Variants in COL5A3 observed in about 807,000 individuals in gnomAD.
COL5A3 encodes the protein collagen alpha-3(V) chain.
A neutral mutation model predicts 250.0 loss-of-function variants in COL5A3; 172 were observed. The ratio of observed to expected loss-of-function variants is 0.69; its 90% CI spans 0.61 to 0.78. The LOEUF (loss-of-function observed/expected upper bound fraction) is 0.78. Among genes scored for constraint, COL5A3 ranks in the 30% least tolerant of loss-of-function variants. The probability of loss-of-function intolerance (pLI) is 0.00; values close to 1 mark genes in which losing one functional copy is unlikely to be tolerated. For missense variants in COL5A3, 2,340 were observed against 2,334.4 expected (o/e 1.00, Z -0.05); for synonymous variants, 937 against 900.4 (o/e 1.04, Z -0.73).
chr19:9,979,987 C>T lies in COL5A3; in HGVS notation c.2658+7G>A. ...ACCCAACCCCCAATGAGGGTGACCT[C>T]ACTCACAGGGGGGCCCTTTGGCCCA... On this transcript the variant is annotated splice_region_variant and intron_variant, in intron 36 of 66. Coordinates refer to ENST00000264828, the MANE Select transcript of COL5A3 (RefSeq NM_015719.4). 3 of 1,586,294 alleles carry T rather than the reference C, an allele frequency of 1.9e-6. No homozygotes were observed. Among genetic ancestry groups the T allele is most frequent in the Non-Finnish European group, 8.5e-7 (1 of 1,172,390 alleles).
In COL5A3 at chr19:9,998,119, G is replaced by A. The variant is rs755927595; in HGVS notation, c.1141C>T (p.Pro381Ser). 7 of 1,613,830 alleles carry A rather than the reference G, an allele frequency of 4.3e-6. No individual in the cohort carries two copies. In the Admixed American group the frequency reaches 8.3e-5, roughly 19 times the overall value. ...GAGEKGAKGE[P>S]AVIEKGQQFE... ...CCCCTCACCTTTTCAATCACTGCGGGCTCTCCTTTTGCTCCTTTCTCTCCA... is the reference window on the plus strand; with the variant it reads ...CCCCTCACCTTTTCAATCACTGCGGACTCTCCTTTTGCTCCTTTCTCTCCA... The change falls in exon 9 of 67, where the codon CCC becomes TCC. Residue 381 changes from proline (P) to serine (S), a missense_variant. Pro to Ser is a moderately conservative substitution (Grantham distance 74). Coordinates refer to ENST00000264828, the MANE Select transcript of COL5A3 (RefSeq NM_015719.4).
chr19:9,962,710 G>A lies in COL5A3; in HGVS notation c.4851+109C>T, dbSNP rs1599523174. 22 of 793,112 alleles carry A rather than the reference G, an allele frequency of 2.8e-5. No individual in the cohort carries two copies. The East Asian group carries it at 6.2e-4, about 22-fold the overall frequency. 49.1% of individuals were successfully genotyped at this position (793,112 alleles called of 1,614,324 possible). A position where few individuals can be genotyped will look rare whatever the true frequency, so the allele number is the denominator to read the frequency against. Reference sequence around the variant, plus strand: ...CCAGCTTGCGATCCCTAGGAAGGTAGAGGAAAGCCTATCCTCTTCATCTCA... The same window carrying A: ...CCAGCTTGCGATCCCTAGGAAGGTAAAGGAAAGCCTATCCTCTTCATCTCA... On this transcript the variant is annotated intron_variant, in intron 65 of 66. Transcript: ENST00000264828.
chr19:9,970,927 G>T, intron 53 of COL5A3, 48 bp downstream of exon 53: 2 of 1,440,354 alleles, frequency 1.4e-6, no homozygotes, highest in Non-Finnish European at 1.9e-6. Flanking sequence ...TCACTCATTA[G>T]CTCCCCAACC....
chr19:9,964,885 A>AG, intron 64 of COL5A3, among the ~76,000 whole-genome samples: 1 of 106,330 alleles, frequency 9.4e-6, no homozygotes, highest in African/African-American at 3.1e-5. Flanking sequence ...AAAAAAAAAA[A>AG]AAAAAAAAAA....
rs2087231474 is a variant in COL5A3, at chr19:9,993,786, T to G, written c.1608A>C (p.Gly536=). ...VGKMGRPGAD[G]ARGLPGDTGP... Reference sequence around the variant, plus strand: ...CAGTGTCCCCTGGGAGGCCCCGAGCTCCATCTGCTCCAGGGCGGCCCTATG... The same window carrying G: ...CAGTGTCCCCTGGGAGGCCCCGAGCGCCATCTGCTCCAGGGCGGCCCTATG... Residue 536 remains glycine, a synonymous_variant, in exon 17 of 67, where the codon GGA becomes GGC. Transcript: ENST00000264828. 2 of 1,613,960 alleles carry G rather than the reference T, an allele frequency of 1.2e-6. No homozygotes were observed. Among genetic ancestry groups the G allele is most frequent in the Non-Finnish European group, 1.7e-6 (2 of 1,179,996 alleles).
intron 24 of COL5A3, among the ~76,000 whole-genome samples, chr19:9,989,863 C>T (rs991303240): frequency 1.3e-5 from 2 of 152,054 alleles, no homozygotes; most frequent in Non-Finnish European, 2.9e-5. Flanking sequence ...TTCCCAGGTT[C>T]AAGTGATTCT....
At chr19:9,991,468 G>T in intron 24 of COL5A3, 142 bp downstream of exon 24, 1 of 660,746 alleles carries the variant, frequency 1.5e-6, no homozygotes, top group African/African-American at 1.8e-5. Context: ...AGGACACTTT[G>T]TATCTCCGGG....
chr19:9,967,878 A>C (rs776318399), intron 61 of COL5A3, 26 bp downstream of exon 61: 12 of 1,609,804 alleles, frequency 7.5e-6, no homozygotes, highest in Middle Eastern at 1.7e-4. Flanking sequence ...GGGATGTGTA[A>C]GCCCACGGAA....
intron 31 of COL5A3, 69 bp from the exon 32 acceptor site, chr19:9,982,187 T>C (rs2087021447): frequency 2.8e-6 from 3 of 1,067,592 alleles, no homozygotes; most frequent in East Asian, 5.2e-5. Context: ...TGGCCCCTCA[T>C]ACCATCCTTT....
chr19:9,966,238 G>A (rs1231042266), intron 64 of COL5A3, 76 bp downstream of exon 64: 2 of 1,102,984 alleles, frequency 1.8e-6, no homozygotes, highest in Non-Finnish European at 2.7e-6. Context: ...TAACGTCCCA[G>A]ACAAGGTGGT....
At position 9,968,203 on chromosome 19, in the gene COL5A3, C is replaced by A. The variant is rs2086781184; in HGVS notation, c.4315-124G>T. The stretch of plus-strand genomic sequence containing the variant: ...ACCCTAGACAAGCCTCCAGTTCCCC[C>A]ACAGAGAGACCCCAAACCCCAGACG... On this transcript the variant is annotated intron_variant, in intron 59 of 66. Transcript: ENST00000264828. This position sits in a 1 kb window ranked among gnomAD's most constrained non-coding sequence, Gnocchi z 4.1. 2.8e-6 allele frequency: 3 copies of A among 1,079,650 alleles called. No homozygotes were observed. Among genetic ancestry groups the A allele is most frequent in the Admixed American group, 2.6e-5 (1 of 38,738 alleles). 66.9% of individuals were successfully genotyped at this position (1,079,650 alleles called of 1,614,324 possible).
chr19:9,995,044 A>G (rs1419576879), intron 16 of COL5A3, among the ~76,000 whole-genome samples: 1 of 152,032 alleles, frequency 6.6e-6, no homozygotes, highest in African/African-American at 2.4e-5. Context: ...AGTAGCTGGG[A>G]TTACAGGCGC....
chr19:9,980,813 C>T lies in COL5A3; in HGVS notation c.2552G>A (p.Gly851Asp). ...RGQPGATGQP[G>D]PKGDVGQDGA... ...TGCCCACCCATCCCATACCTTGGGG[C>T]CTGGTTGCCCTGTGGCACCCGGTTG... The change falls in exon 34 of 67, where the codon GGC becomes GAC. Residue 851 changes from glycine to aspartate, a missense_variant. This residue lies in a region of COL5A3 where 1,152 missense variants were observed against 1,146.3 expected (regional missense o/e 1.00). Transcript: ENST00000264828. 3 of 1,612,720 alleles carry T rather than the reference C, an allele frequency of 1.9e-6. No homozygotes were observed. Among genetic ancestry groups the T allele is most frequent in the Non-Finnish European group, 2.5e-6 (3 of 1,179,366 alleles).
At chr19:9,972,875 A>AGTGCCCC in intron 51 of COL5A3, 44 bp downstream of exon 51, 2 of 1,427,300 alleles carry the variant, frequency 1.4e-6, no homozygotes, top group Non-Finnish European at 1.9e-6. Flanking sequence ...AGTACATTCA[A>AGTGCCCC]GTGCCCCCTC....
chr19:9,985,096 A>C (rs183141059), intron 31 of COL5A3, among the ~76,000 whole-genome samples: 72 of 151,002 alleles, frequency 4.8e-4, no homozygotes, highest in Admixed American at 2.5e-3. Context: ...TTACAGGTGC[A>C]TGCTACTATG....
rs188428661 is a variant in COL5A3 at position 10,002,008 on chromosome 19, C to T, written c.850-127G>A. 2.2e-3 allele frequency: 1,431 copies of T among 658,982 alleles called. 17 individuals are homozygous for T. The highest frequency in any genetic ancestry group is 5.9e-4 in the Non-Finnish European group (221 of 376,686). The allele number at this position is 658,982 out of a possible 1,614,324, so 40.8% of individuals were successfully genotyped here. Reference sequence around the variant, plus strand: ...GGGACAGAGGAGGCTCCCCAAAGAGCACCAGAGGCCAATGGAGACAAAAGT... The same window carrying T: ...GGGACAGAGGAGGCTCCCCAAAGAGTACCAGAGGCCAATGGAGACAAAAGT... On this transcript the variant is annotated intron_variant, in intron 6 of 66. Coordinates refer to ENST00000264828, the MANE Select transcript of COL5A3 (RefSeq NM_015719.4).
At chr19:9,970,425 A>AGGGTGTGTGGGGTCTGGGG (rs2086823953) in intron 54 of COL5A3, among the ~76,000 whole-genome samples, 197 bp downstream of exon 54, 1 of 8,394 alleles carries the variant, frequency 1.2e-4, no homozygotes, top group Non-Finnish European at 2.0e-4. Flanking sequence ...GGGGGCTGTA[A>AGGGTGTGTGGGGTCTGGGG]GGTGAGTGGG....
Position 10,009,163 on chromosome 19 carries a change from TGTGTGTG to T in COL5A3, c.88+1128_88+1134del, listed in dbSNP as rs1169782062. On this transcript the variant is annotated intron_variant, in intron 1 of 66. Transcript: ENST00000264828. This position sits in a 1 kb window ranked among gnomAD's most constrained non-coding sequence, Gnocchi z 4.4. ...CTCCAAAGTAAGAAGTGTGCTGTGGTGTGTGTGTGTGTGTGTGTGTGTGTGTGTGTGT... is the reference window on the plus strand; with the variant it reads ...CTCCAAAGTAAGAAGTGTGCTGTGGTTGTGTGTGTGTGTGTGTGTGTGTGT... Among the ~76,000 whole-genome samples, 29 of 34,762 alleles carry T rather than the reference TGTGTGTG, an allele frequency of 8.3e-4. No individual in the cohort carries two copies. The highest frequency in any genetic ancestry group is 1.0e-3 in the Non-Finnish European group (20 of 19,092). The allele number at this position is 34,762 out of a possible 152,430, so 22.8% of individuals were successfully genotyped here. A position where few individuals can be genotyped will look rare whatever the true frequency, so the allele number is the denominator to read the frequency against.
chr19:9,994,298 C>T (rs1005713070), intron 16 of COL5A3, among the ~76,000 whole-genome samples: 11 of 151,374 alleles, frequency 7.3e-5, no homozygotes, highest in African/African-American at 2.4e-4. Context: ...CCCACCTCAG[C>T]CTCCCAAGTA....
Sources: allele counts gnomAD v4.1 joint callset (sites outside exome capture counted in the v4.1 genomes callset), GRCh38; gene constraint gnomAD v4.1.1; regional missense constraint gnomAD v4.1.1; non-coding constraint Gnocchi (gnomAD v3.1); transcripts MANE v1.5; gene names NCBI Gene and HGNC (gene_info 2026-07-23, HGNC 2026-07-21).